CHRM5: variants seen among roughly 807,000 people sequenced by gnomAD.
CHRM5 encodes cholinergic receptor muscarinic 5, also known as muscarinic acetylcholine receptor M5.
A neutral mutation model predicts 39.0 loss-of-function variants in CHRM5; 18 were observed. The ratio of observed to expected loss-of-function variants is 0.46; its 90% CI spans 0.32 to 0.68. CHRM5 has a LOEUF of 0.68. Among genes scored for constraint, CHRM5 ranks in the 30% least tolerant of loss-of-function variants. The pLI, the probability that CHRM5 is intolerant of heterozygous loss-of-function variation, is 0.04. For synonymous variants in CHRM5, 241 were observed against 246.3 expected (o/e 0.98, Z 0.20); for missense variants, 515 against 651.1 (o/e 0.79, Z 2.28).
intron 2 of CHRM5, among the ~76,000 whole-genome samples, chr15:34,053,334 A>G (rs1479501351): frequency 1.4e-5 from 2 of 140,606 alleles, no homozygotes; most frequent in Admixed American, 1.5e-4. Context: ...ATATATATAT[A>G]TATATATATG....
At chr15:34,051,962 T>C (rs529126028) in intron 2 of CHRM5, among the ~76,000 whole-genome samples, 62 of 151,826 alleles carry the variant, frequency 4.1e-4, no homozygotes, top group Non-Finnish European at 7.5e-4. Context: ...TCTGAAAAAA[T>C]TGAAAAGGAG....
intron 1 of CHRM5, among the ~76,000 whole-genome samples, chr15:34,027,559 C>T (rs191793936): frequency 3.2e-4 from 49 of 151,236 alleles, no homozygotes; most frequent in Non-Finnish European, 6.5e-4. Context: ...AACGAACAGC[C>T]TCACAACTAT....
chr15:34,028,279 A>C (rs1450164575), intron 1 of CHRM5, among the ~76,000 whole-genome samples: 1 of 152,224 alleles, frequency 6.6e-6, no homozygotes, highest in African/African-American at 2.4e-5. Flanking sequence ...CTGTAACAAG[A>C]GAAGGCCAGG....
intron 1 of CHRM5, among the ~76,000 whole-genome samples, chr15:34,006,252 A>G (rs184026422): frequency 1.3e-5 from 2 of 151,914 alleles, no homozygotes; most frequent in Non-Finnish European, 2.9e-5. Flanking sequence ...CGGAGTTTGC[A>G]GTGAGTCAAG....
intron 1 of CHRM5, among the ~76,000 whole-genome samples, chr15:34,026,452 T>C (rs1898476740): frequency 6.6e-6 from 1 of 152,148 alleles, no homozygotes; most frequent in African/African-American, 2.4e-5. Flanking sequence ...AGGGGAGATA[T>C]GTTGAGAAAG....
chr15:33,973,170 T>C (rs1471295071), intron 1 of CHRM5, among the ~76,000 whole-genome samples: 3 of 152,236 alleles, frequency 2.0e-5, no homozygotes, highest in Non-Finnish European at 2.9e-5. Context: ...ACTGTTGTCA[T>C]CATCAGACTA....
intron 1 of CHRM5, among the ~76,000 whole-genome samples, chr15:33,998,776 T>C (rs1363111186): frequency 6.6e-6 from 1 of 152,226 alleles, no homozygotes; most frequent in Non-Finnish European, 1.5e-5. Flanking sequence ...TCTCTGGTTC[T>C]TTCTTCTACC....
chr15:33,988,346 T>C (rs530104672), intron 1 of CHRM5, among the ~76,000 whole-genome samples: 46 of 152,366 alleles, frequency 3.0e-4, no homozygotes, highest in African/African-American at 1.1e-3. Context: ...GTTTGAATCC[T>C]GATTCTGCTA....
chr15:33,983,199 T>C (rs1244748825), intron 1 of CHRM5, among the ~76,000 whole-genome samples: 447 of 35,726 alleles, frequency 0.013, 5 homozygotes, highest in African/African-American at 0.065. Flanking sequence ...TGTATGTGTG[T>C]GTATATATAT....
intron 1 of CHRM5, among the ~76,000 whole-genome samples, chr15:34,012,170 T>C (rs2140668566): frequency 6.6e-6 from 1 of 152,352 alleles, no homozygotes; most frequent in Non-Finnish European, 1.5e-5. Flanking sequence ...ACAACTTTTC[T>C]AGTAAAGAAG....
Position 33,983,182 on chromosome 15 carries a change from ACG to A in CHRM5, c.-408+14033_-408+14034del, listed in dbSNP as rs1896249378. ...TGTATGTGTGTGTGTATATATACAC[ACG>A]TGTGTGTATGTGTGTGTATATATAT... is the stretch of plus-strand genomic sequence containing the variant. On this transcript the variant is annotated intron_variant, in intron 1 of 2. Transcript: ENST00000383263. Among the ~76,000 whole-genome samples, 8 of 112,488 alleles carry A rather than the reference ACG, an allele frequency of 7.1e-5. 1 individual carries two copies. The South Asian group carries it at 2.5e-3, about 35-fold the overall frequency. The allele number at this position is 112,488 out of a possible 152,430, so 73.8% of individuals were successfully genotyped here.
At chr15:34,058,307 C>T (rs887476538) in intron 2 of CHRM5, among the ~76,000 whole-genome samples, 1 of 152,054 alleles carries the variant, frequency 6.6e-6, no homozygotes, top group Non-Finnish European at 1.5e-5. Flanking sequence ...ATAAAATTAA[C>T]CATCACACTA....
At chr15:33,984,316 CCTT>C (rs1167835926) in intron 1 of CHRM5, among the ~76,000 whole-genome samples, 1 of 151,852 alleles carries the variant, frequency 6.6e-6, no homozygotes, top group Non-Finnish European at 1.5e-5. Flanking sequence ...AGTAATTGGA[CCTT>C]AATGTCATTT....
chr15:34,038,822 G>A lies in CHRM5; in HGVS notation c.-407-7718G>A, dbSNP rs755066340. ...CGCCCCAGCCTCCCGGCTCCCGGCG[G>A]CTGCCTCGCGGGGCGCCTCCTCCTC... is the stretch of plus-strand genomic sequence containing the variant. On this transcript the variant is annotated intron_variant, in intron 1 of 2. Coordinates refer to ENST00000383263, the MANE Select transcript of CHRM5 (RefSeq NM_012125.4). The A allele has an allele frequency of 7.9e-5, 94 of 1,191,208 alleles. No individual in the cohort carries two copies. The African/African-American group carries it at 1.3e-3, about 16-fold the overall frequency. 73.8% of individuals were successfully genotyped at this position (1,191,208 alleles called of 1,614,324 possible). A position where few individuals can be genotyped will look rare whatever the true frequency, so the allele number is the denominator to read the frequency against.
chr15:33,989,712 T>C (rs576980338), intron 1 of CHRM5, among the ~76,000 whole-genome samples: 15 of 152,096 alleles, frequency 9.9e-5, no homozygotes, highest in Non-Finnish European at 1.9e-4. Flanking sequence ...CCTTTTATTA[T>C]CTTTCCAGAT....
intron 2 of CHRM5, 115 bp from the exon 3 acceptor site, chr15:34,062,528 C>T (rs958280595): frequency 3.6e-6 from 2 of 554,216 alleles, no homozygotes; most frequent in East Asian, 6.3e-5. Context: ...GCACTCCAGC[C>T]TGGGTGACAA....
chr15:34,023,887 C>A (rs1437756286), intron 1 of CHRM5, among the ~76,000 whole-genome samples: 2 of 152,156 alleles, frequency 1.3e-5, no homozygotes, highest in Non-Finnish European at 2.9e-5. Context: ...AATTTAAACT[C>A]ATTCTGGCTC....
chr15:34,028,650 T>A (rs1301650670), intron 1 of CHRM5, among the ~76,000 whole-genome samples: 1 of 152,112 alleles, frequency 6.6e-6, no homozygotes, highest in Non-Finnish European at 1.5e-5. Context: ...ATATAGTAAA[T>A]ATATTGTGTT....
In CHRM5 at chr15:33,983,171, TATATATACACAC is replaced by T. The variant is rs1383641336; in HGVS notation, c.-408+14022_-408+14033del. Among the ~76,000 whole-genome samples, 12 of 78,284 alleles carry T rather than the reference TATATATACACAC, an allele frequency of 1.5e-4. No homozygotes were observed. The East Asian group carries it at 5.7e-3, about 37-fold the overall frequency. 51.4% of individuals were successfully genotyped at this position (78,284 alleles called of 152,430 possible). A position where few individuals can be genotyped will look rare whatever the true frequency, so the allele number is the denominator to read the frequency against. ...GTGTGTGTGTGTGTATGTGTGTGTG[TATATATACACAC>T]GTGTGTGTATGTGTGTGTATATATA... On this transcript the variant is annotated intron_variant, in intron 1 of 2. Coordinates refer to ENST00000383263, the MANE Select transcript of CHRM5 (RefSeq NM_012125.4).
Sources: allele counts gnomAD v4.1 joint callset (sites outside exome capture counted in the v4.1 genomes callset), GRCh38; gene constraint gnomAD v4.1.1; transcripts MANE v1.5; gene names NCBI Gene and HGNC (gene_info 2026-07-23, HGNC 2026-07-21).